Variants in SNTG2 observed in about 807,000 individuals in gnomAD.
SNTG2 encodes the protein syntrophin gamma 2, also known as gamma-2-syntrophin.
SNTG2 carries 74 observed loss-of-function variants against 70.9 expected under a neutral mutation model. The ratio of observed to expected loss-of-function variants is 1.04; its 90% CI spans 0.86 to 1.27. The LOEUF is 1.27. Ranked by LOEUF, SNTG2 falls within the 50% of genes most tolerant of loss-of-function variation. The pLI is 0.00. For missense variants in SNTG2, 717 were observed against 690.7 expected (o/e 1.04, Z -0.43); for synonymous variants, 278 against 273.8 (o/e 1.02, Z -0.15).
chr2:1,305,503 T>A lies in SNTG2; in HGVS notation c.1285-2991T>A, dbSNP rs192916070. On this transcript the variant is annotated intron_variant, in intron 14 of 16. Coordinates refer to ENST00000308624, the MANE Select transcript of SNTG2 (RefSeq NM_018968.4). ...TTTCTTCCAAGGCATCAAGGGAAAA[T>A]TTGTAAACATAGAGGAAGCCTGGAA... Among the ~76,000 whole-genome samples, 11 of 152,254 alleles carry A rather than the reference T, an allele frequency of 7.2e-5. No individual in the cohort carries two copies. In the East Asian group the frequency reaches 2.1e-3, roughly 29 times the overall value.
intron 6 of SNTG2, among the ~76,000 whole-genome samples, chr2:1,143,934 C>T (rs1668930058): frequency 7.6e-6 from 1 of 131,288 alleles, no homozygotes; most frequent in South Asian, 2.6e-4. Flanking sequence ...ATAAAACTGT[C>T]AGTTCTTAAG....
At chr2:1,246,820 C>T (rs941301422) in intron 11 of SNTG2, among the ~76,000 whole-genome samples, 1 of 151,938 alleles carries the variant, frequency 6.6e-6, no homozygotes, top group African/African-American at 2.4e-5. Context: ...TTATATCATA[C>T]GGCTCAAAAT....
intron 4 of SNTG2, among the ~76,000 whole-genome samples, chr2:1,106,349 G>A (rs1390793267): frequency 1.6e-5 from 2 of 121,306 alleles, no homozygotes; most frequent in African/African-American, 3.1e-5. Flanking sequence ...GCTGTCACTC[G>A]GTGCAGGGTA....
At chr2:1,312,614 C>T (rs1299956306) in intron 15 of SNTG2, among the ~76,000 whole-genome samples, 3 of 152,164 alleles carry the variant, frequency 2.0e-5, no homozygotes, top group South Asian at 2.1e-4. Flanking sequence ...AGGATTCACT[C>T]GTTCTTGGGG....
chr2:1,288,288 A>G (rs1411718312), intron 14 of SNTG2, among the ~76,000 whole-genome samples: 1 of 152,172 alleles, frequency 6.6e-6, no homozygotes, highest in East Asian at 1.9e-4. Context: ...ACTCAGAGCA[A>G]TGTGTTTCTG....
intron 1 of SNTG2, among the ~76,000 whole-genome samples, chr2:1,006,964 A>T (rs1659591004): frequency 6.6e-6 from 1 of 152,028 alleles, no homozygotes; most frequent in Admixed American, 6.6e-5. Context: ...GGGAAGTGAA[A>T]GTTTCAGTGA....
At chr2:1,128,453 T>A (rs1667835390) in intron 4 of SNTG2, among the ~76,000 whole-genome samples, 2 of 152,212 alleles carry the variant, frequency 1.3e-5, no homozygotes, top group Non-Finnish European at 2.9e-5. Flanking sequence ...GTTTTCTTCT[T>A]TCAACAGGCT....
At chr2:1,335,666 T>C (rs2148289243) in intron 16 of SNTG2, among the ~76,000 whole-genome samples, 1 of 152,248 alleles carries the variant, frequency 6.6e-6, no homozygotes, top group African/African-American at 2.4e-5. Context: ...GCACTAAATC[T>C]AGACATGTAC....
chr2:1,077,413 G>A (rs1409500683), intron 1 of SNTG2, among the ~76,000 whole-genome samples: 2 of 152,024 alleles, frequency 1.3e-5, no homozygotes, highest in Non-Finnish European at 2.9e-5. Context: ...GTTTTTTCAT[G>A]GCTAGTGAGG....
chr2:1,363,701 A>C (rs4284872), intron 16 of SNTG2, among the ~76,000 whole-genome samples: 109,818 of 152,156 alleles, frequency 0.72, 39,931 homozygotes, highest in East Asian at 0.94. Flanking sequence ...GCTCTAGTTA[A>C]AAATTCATAA....
intron 12 of SNTG2, among the ~76,000 whole-genome samples, chr2:1,256,246 G>A (rs1049376334): frequency 1.3e-5 from 2 of 152,054 alleles, no homozygotes; most frequent in Admixed American, 6.6e-5. Context: ...TGGGGCCACC[G>A]TGGTCTGTGC....
At chr2:1,190,501 A>C (rs1419496469) in intron 8 of SNTG2, among the ~76,000 whole-genome samples, 8 of 41,640 alleles carry the variant, frequency 1.9e-4, no homozygotes, top group Non-Finnish European at 4.3e-4. Flanking sequence ...CTGACTATAT[A>C]TATATATATA....
intron 1 of SNTG2, among the ~76,000 whole-genome samples, chr2:987,726 G>T (rs766197113): frequency 2.0e-5 from 3 of 152,148 alleles, no homozygotes; most frequent in African/African-American, 4.8e-5. Flanking sequence ...AGGAAACCAA[G>T]GGGAGGCTGG....
At position 1,180,992 on chromosome 2, in the gene SNTG2, T is replaced by G. The variant is rs536207936; in HGVS notation, c.591+7809T>G. Among the ~76,000 whole-genome samples the G allele has an allele frequency of 4.6e-5, 7 of 152,052 alleles. No individual in the cohort carries two copies. In the South Asian group the frequency reaches 1.5e-3, roughly 32 times the overall value. On this transcript the variant is annotated intron_variant, in intron 8 of 16. Transcript: ENST00000308624. ...GACAAAAAGCAAACACCACATATTC[T>G]CACTCATAGGTGGGAATTGAACAAT... is the stretch of plus-strand genomic sequence containing the variant.
chr2:1,354,112 CATT>C (rs1484936378), intron 16 of SNTG2, among the ~76,000 whole-genome samples: 1 of 152,150 alleles, frequency 6.6e-6, no homozygotes, highest in East Asian at 1.9e-4. Context: ...TATTTAAAAT[CATT>C]GTTTCAGCCA....
intron 14 of SNTG2, among the ~76,000 whole-genome samples, chr2:1,272,182 G>A (rs1009944946): frequency 4.6e-5 from 7 of 151,622 alleles, no homozygotes; most frequent in South Asian, 2.1e-4. Context: ...TATACAACCC[G>A]CCATAATGCA....
At chr2:1,363,704 A>G (rs1661323501) in intron 16 of SNTG2, among the ~76,000 whole-genome samples, 1 of 152,224 alleles carries the variant, frequency 6.6e-6, no homozygotes, top group South Asian at 2.1e-4. Context: ...CTAGTTAAAA[A>G]TTCATAATTC....
chr2:1,112,984 G>GT (rs5828805), intron 4 of SNTG2, among the ~76,000 whole-genome samples: 88,266 of 149,962 alleles, frequency 0.59, 26,996 homozygotes, highest in African/African-American at 0.72. Context: ...ACTAAGTGAG[G>GT]TTAAACCTTG....
intron 1 of SNTG2, among the ~76,000 whole-genome samples, chr2:965,481 C>T (rs1273435946): frequency 2.6e-5 from 4 of 151,654 alleles, no homozygotes; most frequent in Non-Finnish European, 4.4e-5. Flanking sequence ...TTGACTTGGT[C>T]CTCCTCCTTG....
Sources: gnomAD v4.1 joint callset for allele counts (sites outside exome capture counted in the v4.1 genomes callset) on GRCh38, gnomAD v4.1.1 for gene constraint, MANE v1.5 for transcripts, NCBI Gene and HGNC (gene_info 2026-07-23, HGNC 2026-07-21) for gene names.